MSRA: variants seen among roughly 807,000 people sequenced by gnomAD.
The protein encoded by MSRA is methionine sulfoxide reductase A, also known as mitochondrial peptide methionine sulfoxide reductase.
In MSRA, 54 loss-of-function variants were observed where a neutral mutation model predicts 31.3. The observed-to-expected ratio is 1.73, with a 90% CI of 1.39 to 2.17. MSRA has a LOEUF of 2.17. Among genes scored for constraint, MSRA ranks in the 30% most tolerant of loss-of-function variants. MSRA has a pLI of 0.00. For synonymous variants in MSRA, 169 were observed against 116.5 expected, an observed-to-expected ratio of 1.45 and a Z score of -2.90; for missense variants, 507 against 300.9, an observed-to-expected ratio of 1.69 and a Z score of -5.07.
intron 5 of MSRA, chr8:10,410,972 C>G (rs1349419661): frequency 1.3e-5 from 2 of 152,164 alleles, no homozygotes; most frequent in Non-Finnish European, 2.9e-5. Flanking sequence ...CCCCCACACC[C>G]ATTTTTCCTT....
intron 5 of MSRA, among the ~76,000 whole-genome samples, chr8:10,406,936 T>G (rs1435855856): frequency 2.6e-5 from 4 of 152,240 alleles, no homozygotes; most frequent in African/African-American, 9.6e-5. Context: ...GCCTGTGGCC[T>G]TGATCTTCTG....
chr8:10,059,299 A>G (rs1439879715), intron 1 of MSRA, among the ~76,000 whole-genome samples: 2 of 152,174 alleles, frequency 1.3e-5, no homozygotes, highest in Non-Finnish European at 2.9e-5. Context: ...CACTGTAGTA[A>G]TTTACTAATG....
rs970278154 is a variant in MSRA, at chr8:10,346,388, G to A, written c.543+26399G>A. 3.9e-5 allele frequency among the ~76,000 whole-genome samples: 6 copies of A among 152,238 alleles called. No homozygotes were observed. In the East Asian group the frequency reaches 1.2e-3, roughly 29 times the overall value. On this transcript the variant is annotated intron_variant, in intron 5 of 5. Transcript: ENST00000317173. ...GGCTGCTGGTTCCCCACTCTCCTAA[G>A]TGTAAACACCCTCCCCCACTCTAGG...
chr8:10,390,597 G>A (rs1035626233), intron 5 of MSRA, among the ~76,000 whole-genome samples: 13 of 152,162 alleles, frequency 8.5e-5, no homozygotes, highest in African/African-American at 3.1e-4. Flanking sequence ...ATGATTTGGG[G>A]CATTTTTTCG....
intron 1 of MSRA, among the ~76,000 whole-genome samples, chr8:10,180,284 C>T (rs1486948947): frequency 1.3e-5 from 2 of 152,168 alleles, no homozygotes; most frequent in Non-Finnish European, 2.9e-5. Flanking sequence ...AGGACCAACC[C>T]AATGGAAGAG....
At chr8:10,260,694 G>C (rs1054284957) in intron 3 of MSRA, among the ~76,000 whole-genome samples, 35 of 152,124 alleles carry the variant, frequency 2.3e-4, no homozygotes, top group African/African-American at 8.5e-4. Context: ...GTTTGCATTG[G>C]TGGGGGGGAA....
chr8:10,080,851 T>C (rs905519295), intron 1 of MSRA, among the ~76,000 whole-genome samples: 1 of 152,144 alleles, frequency 6.6e-6, no homozygotes, highest in Non-Finnish European at 1.5e-5. Flanking sequence ...GGCAGCCTCA[T>C]CTTGAGTGTG....
At chr8:10,069,423 T>C (rs1234701268) in intron 1 of MSRA, among the ~76,000 whole-genome samples, 1 of 152,212 alleles carries the variant, frequency 6.6e-6, no homozygotes, top group East Asian at 1.9e-4. Flanking sequence ...TCCTCGTCCA[T>C]TCGTGTTGTG....
At chr8:10,422,097 A>G (rs1483334788) in intron 5 of MSRA, among the ~76,000 whole-genome samples, 3 of 152,216 alleles carry the variant, frequency 2.0e-5, no homozygotes, top group Admixed American at 2.0e-4. Flanking sequence ...CGTGGACAAC[A>G]TATAGGGAGA....
intron 5 of MSRA, among the ~76,000 whole-genome samples, chr8:10,415,115 TG>T (rs1333716387): frequency 6.6e-6 from 1 of 152,106 alleles, no homozygotes; most frequent in Non-Finnish European, 1.5e-5. Flanking sequence ...AGCAAATGGG[TG>T]GTTGCACATT....
chr8:10,399,717 TAGG>T (rs1807324761), intron 5 of MSRA, among the ~76,000 whole-genome samples: 1 of 152,082 alleles, frequency 6.6e-6, no homozygotes, highest in Non-Finnish European at 1.5e-5. Flanking sequence ...TAGCCCTATA[TAGG>T]AGGGTGCAAT....
At chr8:10,059,228 G>C (rs986690597) in intron 1 of MSRA, 2 of 152,208 alleles carry the variant, frequency 1.3e-5, no homozygotes, top group African/African-American at 4.8e-5. Flanking sequence ...GTGTTTGATG[G>C]AATAAATTCC....
At chr8:10,251,702 G>A (rs980379172) in intron 3 of MSRA, among the ~76,000 whole-genome samples, 1 of 152,112 alleles carries the variant, frequency 6.6e-6, no homozygotes, top group Non-Finnish European at 1.5e-5. Flanking sequence ...CATCCAAGCA[G>A]CTATGCAAGA....
At chr8:10,163,100 G>A (rs1337318730) in intron 1 of MSRA, among the ~76,000 whole-genome samples, 1 of 152,128 alleles carries the variant, frequency 6.6e-6, no homozygotes, top group Non-Finnish European at 1.5e-5. Context: ...ACCATGGGAG[G>A]ACACAATGGG....
intron 2 of MSRA, among the ~76,000 whole-genome samples, chr8:10,243,448 G>A (rs1402567727): frequency 6.6e-6 from 1 of 152,112 alleles, no homozygotes; most frequent in Non-Finnish European, 1.5e-5. Flanking sequence ...GAGACCTGTG[G>A]ATACTTAATT....
intron 1 of MSRA, among the ~76,000 whole-genome samples, chr8:10,082,766 G>T (rs1798359158): frequency 1.3e-5 from 2 of 152,162 alleles, no homozygotes; most frequent in Admixed American, 1.3e-4. Flanking sequence ...ACACGGTTGT[G>T]TGGTTGTGTT....
At chr8:10,088,034 T>C (rs1173398989) in intron 1 of MSRA, among the ~76,000 whole-genome samples, 1 of 152,178 alleles carries the variant, frequency 6.6e-6, no homozygotes, top group Non-Finnish European at 1.5e-5. Flanking sequence ...TTGTCCTTTG[T>C]CAAAGCCCTG....
intron 5 of MSRA, among the ~76,000 whole-genome samples, chr8:10,359,097 T>C (rs977192378): frequency 1.3e-5 from 2 of 152,312 alleles, no homozygotes; most frequent in South Asian, 2.1e-4. Context: ...TGTGATGTGC[T>C]TTTTCAACGT....
chr8:10,414,200 C>A (rs144459744), intron 5 of MSRA, among the ~76,000 whole-genome samples: 1 of 152,002 alleles, frequency 6.6e-6, no homozygotes. Flanking sequence ...ATGTGAACTA[C>A]CTCTCAATAT....
Sources: gnomAD v4.1 joint callset for allele counts (sites outside exome capture counted in the v4.1 genomes callset) on GRCh38, gnomAD v4.1.1 for gene constraint, MANE v1.5 for transcripts, NCBI Gene and HGNC (gene_info 2026-07-23, HGNC 2026-07-21) for gene names.